Variants in MIS18A observed in about 807,000 individuals in gnomAD.
MIS18A encodes the protein protein Mis18-alpha.
Under a neutral mutation model 25.0 loss-of-function variants are expected in MIS18A, and 14 were observed. The observed-to-expected ratio is 0.56, with a 90% confidence interval of 0.37 to 0.88. MIS18A has a LOEUF of 0.88. Ranked by LOEUF, MIS18A falls within the 40% of genes least tolerant of loss-of-function variation. MIS18A has a pLI of 0.00. For missense variants in MIS18A, 292 were observed against 290.8 expected (o/e 1.00, Z -0.03); for synonymous variants, 134 against 118.6 (o/e 1.13, Z -0.84).
chr21:32,261,258 A>G, the MIS18A span: 1 of 152,208 alleles, frequency 6.6e-6, no homozygotes, highest in African/African-American at 2.4e-5. Context: ...ATTGTTGGAA[A>G]TTTTAGGGAT....
the MIS18A span, among the ~76,000 whole-genome samples, chr21:32,160,285 A>AACACACACACAC: frequency 4.8e-5 from 7 of 145,616 alleles, no homozygotes; most frequent in Admixed American, 6.9e-5. Flanking sequence ...ACACCTCTGC[A>AACACACACACAC]ACACACACAC....
chr21:32,239,095 C>A, the MIS18A span, among the ~76,000 whole-genome samples: 1 of 152,158 alleles, frequency 6.6e-6, no homozygotes, highest in South Asian at 2.1e-4. Context: ...AGCATTTACA[C>A]CTGTGCAATG....
chr21:32,258,155 G>A, the MIS18A span, among the ~76,000 whole-genome samples: 1 of 152,300 alleles, frequency 6.6e-6, no homozygotes, highest in East Asian at 1.9e-4. Flanking sequence ...TAAGGACTCA[G>A]AAAGCATTGG....
At chr21:32,203,249 G>GA in the MIS18A span, among the ~76,000 whole-genome samples, 1 of 151,202 alleles carries the variant, frequency 6.6e-6, no homozygotes, top group Non-Finnish European at 1.5e-5. Context: ...AGAAGGAATA[G>GA]AAAAAATAAA....
chr21:32,269,549 T>C (rs1476171888), intron 4 of MIS18A, 158 bp downstream of exon 4: 1 of 553,410 alleles, frequency 1.8e-6, no homozygotes, highest in South Asian at 2.7e-5. Context: ...AGCTTTTGAG[T>C]TCCCCAAAAA....
chr21:32,262,204 G>A, the MIS18A span, among the ~76,000 whole-genome samples: 1 of 152,186 alleles, frequency 6.6e-6, no homozygotes, highest in Admixed American at 6.5e-5. Context: ...AACATACATG[G>A]AGCCCCAAGC....
At chr21:32,160,162 G>C in the MIS18A span, among the ~76,000 whole-genome samples, 6 of 152,238 alleles carry the variant, frequency 3.9e-5, no homozygotes, top group South Asian at 1.2e-3. Flanking sequence ...ATGATATACA[G>C]GGTTCAATAA....
the MIS18A span, among the ~76,000 whole-genome samples, chr21:32,199,353 T>G: frequency 6.6e-6 from 1 of 152,050 alleles, no homozygotes; most frequent in Non-Finnish European, 1.5e-5. Context: ...TTTGCTTACA[T>G]GCTCCCTCTT....
chr21:32,198,278 G>A, the MIS18A span, among the ~76,000 whole-genome samples: 1 of 152,172 alleles, frequency 6.6e-6, no homozygotes, highest in African/African-American at 2.4e-5. Flanking sequence ...CTGATGAGAA[G>A]TTGCTTTTCT....
At chr21:32,259,023 G>A in the MIS18A span, among the ~76,000 whole-genome samples, 7 of 86 alleles carry the variant, frequency 0.081, no homozygotes, top group East Asian at 0.5. Flanking sequence ...GCAAGTGCAC[G>A]CTACCACTGC....
chr21:32,179,771 G>A, the MIS18A span, among the ~76,000 whole-genome samples: 2 of 152,270 alleles, frequency 1.3e-5, no homozygotes, highest in East Asian at 1.9e-4. Flanking sequence ...TGACTTTCTC[G>A]AGTTCAGACA....
At chr21:32,208,731 C>G in the MIS18A span, among the ~76,000 whole-genome samples, 1 of 152,202 alleles carries the variant, frequency 6.6e-6, no homozygotes, top group Non-Finnish European at 1.5e-5. Context: ...TTTACAGGAG[C>G]TTTGGCCTTC....
the MIS18A span, among the ~76,000 whole-genome samples, chr21:32,174,516 G>A: frequency 4.3e-4 from 66 of 152,152 alleles, no homozygotes; most frequent in South Asian, 7.5e-3. Flanking sequence ...CATGTACCCC[G>A]GAACTTAAAA....
chr21:32,273,130 T>TC (rs796871824), intron 2 of MIS18A, among the ~76,000 whole-genome samples: 2 of 151,374 alleles, frequency 1.3e-5, no homozygotes, highest in African/African-American at 4.9e-5. Context: ...TTTTTTTTTT[T>TC]CACTTTTATG....
Position 32,278,940 on chromosome 21 carries a change from G to A in MIS18A, c.75C>T (p.Cys25=). Residue 25 remains cysteine, a synonymous_variant, in exon 1 of 5, where the codon TGC becomes TGT. Coordinates refer to ENST00000290130, the MANE Select transcript of MIS18A (RefSeq NM_018944.3). The part of the protein sequence containing the change: ...GGCECGDKGK[C]SDSSLLGKRL... ...TCTTGCCCAACAGCGAGGAGTCGCT[G>A]CATTTGCCCTTGTCGCCGCACTCAC... The A allele has an allele frequency of 6.2e-7, 1 of 1,613,342 alleles. No individual in the cohort carries two copies. The highest frequency in any genetic ancestry group is 8.5e-7 in the Non-Finnish European group (1 of 1,180,018).
intron 2 of MIS18A, among the ~76,000 whole-genome samples, chr21:32,273,115 C>CTT (rs879786505): frequency 0.013 from 1,713 of 134,378 alleles, 28 homozygotes; most frequent in African/African-American, 0.043. Flanking sequence ...AACTTTTTTT[C>CTT]TTTTTTTTTT....
At chr21:32,270,227 A>G (rs2031687043) in intron 3 of MIS18A, among the ~76,000 whole-genome samples, 180 bp downstream of exon 3, 1 of 150,914 alleles carries the variant, frequency 6.6e-6, no homozygotes, top group South Asian at 2.1e-4. Context: ...AGAGTGTCTG[A>G]CTTTTCCAAT....
At chr21:32,253,385 C>T in the MIS18A span, among the ~76,000 whole-genome samples, 3 of 150,372 alleles carry the variant, frequency 2.0e-5, no homozygotes, top group African/African-American at 7.4e-5. Context: ...GTTACCTAAT[C>T]GCCCTCCCCC....
the MIS18A span, among the ~76,000 whole-genome samples, chr21:32,180,607 G>C: frequency 6.6e-6 from 1 of 152,300 alleles, no homozygotes; most frequent in Non-Finnish European, 1.5e-5. Context: ...GTTGATCATA[G>C]AGTGTGCACA....
Sources: allele counts gnomAD v4.1 joint callset (sites outside exome capture counted in the v4.1 genomes callset), GRCh38; gene constraint gnomAD v4.1.1; transcripts MANE v1.5; gene names NCBI Gene and HGNC (gene_info 2026-07-23, HGNC 2026-07-21).